The following BNC2 variants were observed in gnomAD, a reference collection of about 807,000 sequenced individuals.
BNC2 encodes the protein zinc finger protein basonuclin-2.
BNC2 carries 20 observed loss-of-function variants against 76.3 expected under a neutral mutation model. The observed-to-expected ratio is 0.26, with a 90% CI of 0.18 to 0.38. BNC2 has a LOEUF of 0.38. Ranked by LOEUF, BNC2 falls within the 10% of genes least tolerant of loss-of-function variation. BNC2 has a pLI of 1.00. For missense variants in BNC2, 1,382 were observed against 1,399.8 expected, an observed-to-expected ratio of 0.99 and a Z score of 0.20; for synonymous variants, 582 against 514.8, an observed-to-expected ratio of 1.13 and a Z score of -1.77.
Position 16,811,230 on chromosome 9 carries a change from C to CAA in BNC2, c.3+59414_3+59415dup, listed in dbSNP as rs58068661. Among the ~76,000 whole-genome samples the CAA allele has an allele frequency of 1.6e-3, 156 of 97,516 alleles. 2 individuals are homozygous for CAA. Among genetic ancestry groups the CAA allele is most frequent in the South Asian group, 7.6e-3 (26 of 3,442 alleles). The allele number at this position is 97,516 out of a possible 152,430, so 64.0% of individuals were successfully genotyped here. A position where few individuals can be genotyped will look rare whatever the true frequency, so the allele number is the denominator to read the frequency against. The stretch of plus-strand genomic sequence containing the variant: ...AGAGCGAGACTTCGTCTCAAAAGAC[C>CAA]AAAAAAAAAAAAAACCAAAAAAACC... On this transcript the variant is annotated intron_variant, in intron 1 of 6. Coordinates refer to ENST00000380672, the MANE Select transcript of BNC2 (RefSeq NM_017637.6).
chr9:16,460,046 T>C (rs573663450), intron 5 of BNC2, among the ~76,000 whole-genome samples: 1 of 152,274 alleles, frequency 6.6e-6, no homozygotes, highest in African/African-American at 2.4e-5. Context: ...TTAATACAGA[T>C]TTCTGGTAAA....
intron 1 of BNC2, among the ~76,000 whole-genome samples, chr9:16,839,294 C>T (rs1266398320): frequency 6.6e-6 from 1 of 152,196 alleles, no homozygotes; most frequent in Non-Finnish European, 1.5e-5. Context: ...GTTGCTAAGG[C>T]TATGCATCTT....
At position 16,738,486 on chromosome 9, in the gene BNC2, C is replaced by G; in HGVS notation, c.4-1G>C. 6.2e-7 allele frequency: 1 copy of G among 1,613,860 alleles called. No individual in the cohort carries two copies. ...GAGGTGGGGTGGGCCCAAGGTGTGC[C>G]TATTGAGAGATTGGGAAAGGAAATT... On this transcript the variant is annotated splice_acceptor_variant, in intron 1 of 6. Transcript: ENST00000380672. LOFTEE classifies it high-confidence loss of function.
chr9:16,501,228 T>G (rs2131779697), intron 5 of BNC2, among the ~76,000 whole-genome samples: 1 of 152,300 alleles, frequency 6.6e-6, no homozygotes, highest in South Asian at 2.1e-4. Context: ...GTAATTAGCC[T>G]TTCAAACATT....
chr9:16,813,117 G>A (rs1220023163), intron 1 of BNC2, among the ~76,000 whole-genome samples: 9 of 152,046 alleles, frequency 5.9e-5, no homozygotes, highest in African/African-American at 2.2e-4. Flanking sequence ...AGAATCACTG[G>A]AACCCTGTAG....
In BNC2 at chr9:16,693,275, C is replaced by T. The variant is rs917514298; in HGVS notation, c.330+34522G>A. 1.1e-4 allele frequency among the ~76,000 whole-genome samples: 17 copies of T among 152,034 alleles called. No individual in the cohort carries two copies. In the East Asian group the frequency reaches 3.3e-3, roughly 29 times the overall value. ...AGTTCTCTTATGCTAGCAGCCTGGCCTATAAATTATTAAAAAGTAAAGAGT... is the reference window on the plus strand; with the variant it reads ...AGTTCTCTTATGCTAGCAGCCTGGCTTATAAATTATTAAAAAGTAAAGAGT... On this transcript the variant is annotated intron_variant, in intron 3 of 6. Coordinates refer to ENST00000380672, the MANE Select transcript of BNC2 (RefSeq NM_017637.6).
At chr9:16,683,505 C>CAA (rs1464450435) in intron 3 of BNC2, among the ~76,000 whole-genome samples, 2 of 152,130 alleles carry the variant, frequency 1.3e-5, no homozygotes, top group African/African-American at 4.8e-5. Context: ...GCCTATGATA[C>CAA]AAGCAGGAAA....
At chr9:16,775,511 G>A (rs1331834883) in intron 1 of BNC2, 1 of 152,530 alleles carries the variant, frequency 6.6e-6, no homozygotes, top group Non-Finnish European at 1.5e-5. Context: ...GGTAACCAGG[G>A]TATCAGTTTC....
intron 4 of BNC2, among the ~76,000 whole-genome samples, chr9:16,567,088 C>G (rs1238288714): frequency 6.6e-6 from 1 of 151,976 alleles, no homozygotes; most frequent in Non-Finnish European, 1.5e-5. Context: ...GAAATTGAGG[C>G]CTGGATATAA....
intron 3 of BNC2, among the ~76,000 whole-genome samples, chr9:16,654,038 C>A (rs76914288): frequency 0.014 from 2,158 of 152,214 alleles, 19 homozygotes; most frequent in South Asian, 0.029. Context: ...TAAATCACAC[C>A]TACAAGCGCA....
chr9:16,598,119 G>C (rs867218795), intron 3 of BNC2, among the ~76,000 whole-genome samples: 36 of 152,268 alleles, frequency 2.4e-4, no homozygotes, highest in African/African-American at 8.4e-4. Flanking sequence ...TCACGTGCTA[G>C]ACACTTTACA....
rs543043592 is a variant in BNC2 at position 16,737,230 on chromosome 9, C to CA, written c.129+1129dup. ...AGCAACCCTCCCACCTCAGCCACCA[C>CA]ACCTGGCCTTTTTTTTTTTTTTTTT... On this transcript the variant is annotated intron_variant, in intron 2 of 6. Coordinates refer to ENST00000380672, the MANE Select transcript of BNC2 (RefSeq NM_017637.6). Among the ~76,000 whole-genome samples the CA allele has an allele frequency of 1.5e-4, 23 of 149,814 alleles. No homozygotes were observed. The South Asian group carries it at 4.9e-3, about 32-fold the overall frequency.
At chr9:16,602,745 A>C (rs1262897319) in intron 3 of BNC2, among the ~76,000 whole-genome samples, 1 of 152,174 alleles carries the variant, frequency 6.6e-6, no homozygotes, top group Non-Finnish European at 1.5e-5. Flanking sequence ...GGTGGAAATG[A>C]CTTTTCAGCC....
rs771962999 is a variant in BNC2, at chr9:16,725,219, A to ACTCT, written c.330+2577_330+2578insAGAG. On this transcript the variant is annotated intron_variant, in intron 3 of 6. Coordinates refer to ENST00000380672, the MANE Select transcript of BNC2 (RefSeq NM_017637.6). The stretch of plus-strand genomic sequence containing the variant: ...TAATTTCAATAAGTCTCTCTCTCTC[A>ACTCT]CACACACACACACACACACACACAC... Among the ~76,000 whole-genome samples the ACTCT allele has an allele frequency of 3.9e-4, 20 of 51,508 alleles. 1 individual carries two copies. Among genetic ancestry groups the ACTCT allele is most frequent in the African/African-American group, 6.2e-4 (16 of 25,660 alleles). The allele number at this position is 51,508 out of a possible 152,430, so 33.8% of individuals were successfully genotyped here.
intron 3 of BNC2, among the ~76,000 whole-genome samples, chr9:16,605,397 T>C (rs1263248861): frequency 2.0e-5 from 3 of 152,218 alleles, no homozygotes; most frequent in African/African-American, 4.8e-5. Context: ...GCTATCATTA[T>C]CTCAATTTTA....
intron 1 of BNC2, among the ~76,000 whole-genome samples, chr9:16,770,606 A>G (rs1314375254): frequency 6.6e-6 from 1 of 152,046 alleles, no homozygotes; most frequent in Non-Finnish European, 1.5e-5. Context: ...TACATCTAAC[A>G]GCACACCTCT....
At chr9:16,519,120 C>T (rs1362874473) in intron 5 of BNC2, among the ~76,000 whole-genome samples, 1 of 152,150 alleles carries the variant, frequency 6.6e-6, no homozygotes, top group Non-Finnish European at 1.5e-5. Context: ...CCTTTACTGG[C>T]CCTACCTTCT....
chr9:16,492,647 T>C (rs1437067704), intron 5 of BNC2, among the ~76,000 whole-genome samples: 1 of 152,146 alleles, frequency 6.6e-6, no homozygotes, highest in Non-Finnish European at 1.5e-5. Context: ...GTATTTCTTG[T>C]CTTTTAGGAA....
At chr9:16,667,182 G>T (rs1480275390) in intron 3 of BNC2, among the ~76,000 whole-genome samples, 1 of 151,992 alleles carries the variant, frequency 6.6e-6, no homozygotes, top group East Asian at 1.9e-4. Context: ...TATCCAAATG[G>T]TAATGAGATG....
Sources: gnomAD v4.1 joint callset for allele counts (sites outside exome capture counted in the v4.1 genomes callset) on GRCh38, gnomAD v4.1.1 for gene constraint, MANE v1.5 for transcripts, NCBI Gene and HGNC (gene_info 2026-07-23, HGNC 2026-07-21) for gene names.